PRELID2: variants seen among roughly 807,000 people sequenced by gnomAD.
PRELID2 encodes PRELI domain containing 2.
A neutral mutation model predicts 28.4 loss-of-function variants in PRELID2; 25 were observed. The observed-to-expected ratio is 0.88, with a 90% CI of 0.64 to 1.23. The LOEUF (loss-of-function observed/expected upper bound fraction) is 1.23, where lower values mean the gene tolerates loss of function less well. Ranked by LOEUF, PRELID2 falls within the 50% of genes most tolerant of loss-of-function variation. The pLI is 0.00. For missense variants in PRELID2, 201 were observed against 214.4 expected (o/e 0.94, Z 0.39); for synonymous variants, 76 against 71.6 (o/e 1.06, Z -0.31).
chr5:145,236,445 C>T, the PRELID2 span, among the ~76,000 whole-genome samples: 1 of 152,156 alleles, frequency 6.6e-6, no homozygotes, highest in Non-Finnish European at 1.5e-5. Context: ...CCTCAGACAT[C>T]TGCAAAGGGC....
intron 1 of PRELID2, among the ~76,000 whole-genome samples, chr5:145,510,368 G>T (rs1312576790): frequency 6.6e-6 from 1 of 152,076 alleles, no homozygotes; most frequent in Admixed American, 6.6e-5. Context: ...TTTTTAATGG[G>T]ACTAGACAGC....
At chr5:145,791,562 G>GTAGAATGGATACAATGT (rs1365641787) in intron 5 of PRELID2, among the ~76,000 whole-genome samples, 9 of 152,082 alleles carry the variant, frequency 5.9e-5, no homozygotes, top group Non-Finnish European at 1.0e-4. Context: ...TGGTTGCCAG[G>GTAGAATGGATACAATGT]GGCTAGGAGG....
the PRELID2 span, among the ~76,000 whole-genome samples, chr5:145,457,354 G>A: frequency 2.0e-5 from 3 of 152,128 alleles, no homozygotes; most frequent in African/African-American, 7.2e-5. Flanking sequence ...CAAGGGAGTA[G>A]GTGCTTCATC....
downstream of PRELID2, among the ~76,000 whole-genome samples, chr5:145,756,216 A>G (rs10515560): frequency 0.021 from 3,141 of 152,286 alleles, 93 homozygotes; most frequent in East Asian, 0.079. Context: ...GGGAGCTAAC[A>G]TCGTATGGTC....
At chr5:145,816,698 T>C (rs1270625456) in intron 4 of PRELID2, among the ~76,000 whole-genome samples, 6 of 152,188 alleles carry the variant, frequency 3.9e-5, no homozygotes, top group Non-Finnish European at 7.4e-5. Context: ...TCTTTCCCCA[T>C]TGATTGGTCT....
At chr5:145,456,316 A>G in the PRELID2 span, among the ~76,000 whole-genome samples, 2 of 152,182 alleles carry the variant, frequency 1.3e-5, no homozygotes, top group Non-Finnish European at 2.9e-5. Flanking sequence ...TGTGAAGATG[A>G]CCACTGGTCT....
At chr5:145,554,661 TG>T (rs1401106048) in intron 1 of PRELID2, among the ~76,000 whole-genome samples, 1 of 152,240 alleles carries the variant, frequency 6.6e-6, no homozygotes, top group Non-Finnish European at 1.5e-5. Flanking sequence ...TGTTGTTGGC[TG>T]GCACTCCTCA....
chr5:145,771,452 C>T (rs1758100174), intron 5 of PRELID2, among the ~76,000 whole-genome samples: 1 of 151,926 alleles, frequency 6.6e-6, no homozygotes, highest in Admixed American at 6.6e-5. Flanking sequence ...GAAGGAAGGA[C>T]TTGCAGAAGC....
chr5:145,526,082 T>A (rs1752603376), intron 1 of PRELID2, among the ~76,000 whole-genome samples: 1 of 152,182 alleles, frequency 6.6e-6, no homozygotes, highest in Non-Finnish European at 1.5e-5. Context: ...CAGAGCACCA[T>A]CATAGCTATA....
At chr5:145,573,406 G>A (rs1046657748) in intron 1 of PRELID2, among the ~76,000 whole-genome samples, 3 of 151,434 alleles carry the variant, frequency 2.0e-5, no homozygotes, top group African/African-American at 4.9e-5. Flanking sequence ...AGGTATACAT[G>A]TGCTATGGTG....
chr5:145,292,091 A>G, the PRELID2 span, among the ~76,000 whole-genome samples: 1 of 152,040 alleles, frequency 6.6e-6, no homozygotes, highest in Non-Finnish European at 1.5e-5. Flanking sequence ...AACCACTTCA[A>G]TTTCTGTAGG....
At chr5:145,701,833 C>T (rs1460956623) in intron 1 of PRELID2, among the ~76,000 whole-genome samples, 6 of 152,110 alleles carry the variant, frequency 3.9e-5, no homozygotes, top group Non-Finnish European at 7.3e-5. Flanking sequence ...GGGCAGATCA[C>T]CTGAGGTCAG....
chr5:145,458,900 G>C, the PRELID2 span, among the ~76,000 whole-genome samples: 22 of 152,080 alleles, frequency 1.4e-4, no homozygotes, highest in Non-Finnish European at 2.9e-4. Context: ...ATAAGTAATG[G>C]GGTCAGCTTA....
intron 1 of PRELID2, among the ~76,000 whole-genome samples, chr5:145,551,604 T>C (rs1180352773): frequency 1.3e-5 from 2 of 152,168 alleles, no homozygotes; most frequent in African/African-American, 4.8e-5. Context: ...GTCATGATCA[T>C]TCTATTTTGG....
chr5:145,614,628 C>T (rs1753668660), intron 1 of PRELID2, among the ~76,000 whole-genome samples: 1 of 152,104 alleles, frequency 6.6e-6, no homozygotes, highest in Non-Finnish European at 1.5e-5. Context: ...TCATTCTCTG[C>T]TTGGTTGCTG....
chr5:145,283,501 C>T, the PRELID2 span, among the ~76,000 whole-genome samples: 1 of 152,070 alleles, frequency 6.6e-6, no homozygotes, highest in Non-Finnish European at 1.5e-5. Flanking sequence ...TTAAGTTATG[C>T]TTTTTTTCTC....
intron 5 of PRELID2, among the ~76,000 whole-genome samples, chr5:145,787,784 T>C (rs1226571507): frequency 1.3e-5 from 2 of 152,096 alleles, no homozygotes; most frequent in East Asian, 3.9e-4. Flanking sequence ...CAAGTGATCC[T>C]CCCACTTCAG....
intron 1 of PRELID2, among the ~76,000 whole-genome samples, chr5:145,719,253 C>T (rs1046632980): frequency 6.6e-6 from 1 of 151,758 alleles, no homozygotes. Flanking sequence ...ATTAAAATCA[C>T]CCTGAGAAAG....
intron 1 of PRELID2, among the ~76,000 whole-genome samples, chr5:145,627,802 T>C (rs1753873033): frequency 6.6e-6 from 1 of 152,224 alleles, no homozygotes; most frequent in African/African-American, 2.4e-5. Context: ...CCCAGGCTAC[T>C]TCACCAACTT....
Sources: gnomAD v4.1 joint callset for allele counts (sites outside exome capture counted in the v4.1 genomes callset) on GRCh38, gnomAD v4.1.1 for gene constraint, MANE v1.5 for transcripts, NCBI Gene and HGNC (gene_info 2026-07-23, HGNC 2026-07-21) for gene names.